Variants in AK9 observed in about 807,000 individuals in gnomAD.
AK9 encodes the protein adenylate kinase 9, also known as adenylate kinase domain containing 1.
A neutral mutation model predicts 239.6 loss-of-function variants in AK9; 191 were observed. That is an observed-to-expected ratio of 0.80 (90% CI 0.71 to 0.90). The LOEUF is 0.90. AK9 is among the 40% of genes least tolerant of loss of function. The pLI is 0.00. For synonymous variants in AK9, 689 were observed against 721.0 expected (o/e 0.96, Z 0.71); for missense variants, 1,995 against 2,214.7 (o/e 0.90, Z 1.99).
intron 12 of AK9, among the ~76,000 whole-genome samples, chr6:109,620,871 A>G (rs1794726291): frequency 6.6e-6 from 1 of 151,498 alleles, no homozygotes. Flanking sequence ...ATATACAAAC[A>G]TATACATATA....
intron 8 of AK9, among the ~76,000 whole-genome samples, chr6:109,652,648 T>G (rs1265513719): frequency 6.6e-6 from 1 of 152,204 alleles, no homozygotes; most frequent in Non-Finnish European, 1.5e-5. Context: ...TTTCAAGCAT[T>G]TCTTTTTATG....
At chr6:109,601,395 G>A (rs1381295631) in intron 17 of AK9, among the ~76,000 whole-genome samples, 1 of 152,194 alleles carries the variant, frequency 6.6e-6, no homozygotes, top group Non-Finnish European at 1.5e-5. Flanking sequence ...TTTTGAGTGA[G>A]TTTCTTAGTC....
At chr6:109,689,411 T>C (rs553958549) in intron 1 of AK9, among the ~76,000 whole-genome samples, 89 of 152,348 alleles carry the variant, frequency 5.8e-4, no homozygotes, top group Middle Eastern at 3.4e-3. Context: ...GTGCGACTTT[T>C]TGCCTAAGGG....
chr6:109,592,287 C>T (rs1435768519), intron 17 of AK9, among the ~76,000 whole-genome samples: 1 of 152,008 alleles, frequency 6.6e-6, no homozygotes, highest in Non-Finnish European at 1.5e-5. Context: ...TATTTCATGG[C>T]AAAGTTATCT....
intron 22 of AK9, 65 bp from the exon 23 acceptor site, chr6:109,564,345 C>T: frequency 7.7e-7 from 1 of 1,306,308 alleles, no homozygotes; most frequent in Non-Finnish European, 1.0e-6. Context: ...AGCCATATTG[C>T]CAAAATAGCT....
At chr6:109,618,813 C>A (rs1794486554) in intron 13 of AK9, among the ~76,000 whole-genome samples, 1 of 151,698 alleles carries the variant, frequency 6.6e-6, no homozygotes, top group African/African-American at 2.4e-5. Flanking sequence ...AGGTGTAAAT[C>A]CTGATCAAAC....
chr6:109,579,520 ACAT>A (rs1444537713), intron 20 of AK9, 27 bp downstream of exon 20: 1 of 1,529,270 alleles, frequency 6.5e-7, no homozygotes, highest in East Asian at 2.5e-5. Flanking sequence ...ATACCATGAC[ACAT>A]CATCAGTCAT....
In AK9 at chr6:109,573,542, C is replaced by T; in HGVS notation, c.2244G>A (p.Leu748=). The T allele has an allele frequency of 6.4e-7, 1 of 1,551,094 alleles. No homozygotes were observed. The highest frequency in any genetic ancestry group is 8.7e-7 in the Non-Finnish European group (1 of 1,146,626). Residue 748 remains leucine, a synonymous_variant, in exon 21 of 41, where the codon TTG becomes TTA. Coordinates refer to ENST00000424296, the MANE Select transcript of AK9 (RefSeq NM_001145128.3). ...EDEEEIEGDE[L]EVHEEPEASH... is the part of the protein sequence containing the mutation. ...ATGCCTCAGGCTCTTCGTGAACTTC[C>T]AACTCATCACCTTCAATCTCCTCTT...
At chr6:109,626,384 T>C (rs1583312136) in intron 12 of AK9, among the ~76,000 whole-genome samples, 2 of 152,332 alleles carry the variant, frequency 1.3e-5, no homozygotes, top group East Asian at 3.9e-4. Flanking sequence ...TTTCATTACA[T>C]GTTGGACATT....
At position 109,502,174 on chromosome 6, in the gene AK9, C is replaced by T. The variant is rs147358218; in HGVS notation, c.4850-2934G>A. Among the ~76,000 whole-genome samples, 139 of 152,126 alleles carry T rather than the reference C, an allele frequency of 9.1e-4. 2 individuals carry two copies. The highest frequency in any genetic ancestry group is 3.4e-3 in the African/African-American group (139 of 41,492). On this transcript the variant is annotated intron_variant, in intron 35 of 40. Transcript: ENST00000424296. The stretch of plus-strand genomic sequence containing the variant: ...GTGGGCTGGACTGAGTAACTTGCTT[C>T]GAATAAACAGAATATGGCAAAAGTG...
At chr6:109,591,631 C>T (rs563726684) in intron 17 of AK9, among the ~76,000 whole-genome samples, 3 of 152,132 alleles carry the variant, frequency 2.0e-5, no homozygotes, top group African/African-American at 7.2e-5. Flanking sequence ...AGGTCTTATA[C>T]TTGCAAAGAG....
chr6:109,602,807 T>G (rs996011513), intron 17 of AK9, among the ~76,000 whole-genome samples: 2 of 152,204 alleles, frequency 1.3e-5, no homozygotes, highest in Admixed American at 6.5e-5. Flanking sequence ...CTCTTCTCAC[T>G]TCATTTCATT....
At chr6:109,682,122 C>T (rs1006355549) in intron 1 of AK9, among the ~76,000 whole-genome samples, 1 of 151,980 alleles carries the variant, frequency 6.6e-6, no homozygotes. Context: ...ACACGACAAA[C>T]CCTTCAAAAA....
intron 15 of AK9, among the ~76,000 whole-genome samples, chr6:109,612,734 T>C (rs1214727413): frequency 1.3e-5 from 2 of 151,952 alleles, no homozygotes; most frequent in Non-Finnish European, 2.9e-5. Context: ...AGGCTTTAAA[T>C]AAACAGCAGG....
intron 17 of AK9, among the ~76,000 whole-genome samples, chr6:109,602,272 G>T (rs551716384): frequency 5.3e-5 from 8 of 152,106 alleles, no homozygotes; most frequent in Non-Finnish European, 1.0e-4. Context: ...AGGCCTGGTG[G>T]TGACAAAATC....
At chr6:109,672,812 T>C (rs1189475922) in intron 3 of AK9, among the ~76,000 whole-genome samples, 1 of 152,234 alleles carries the variant, frequency 6.6e-6, no homozygotes, top group Non-Finnish European at 1.5e-5. Context: ...TCAGGTGGTG[T>C]ATATGACAGT....
At chr6:109,656,530 T>C (rs1349029421) in intron 8 of AK9, among the ~76,000 whole-genome samples, 1 of 152,194 alleles carries the variant, frequency 6.6e-6, no homozygotes, top group African/African-American at 2.4e-5. Flanking sequence ...AAAAATGCAG[T>C]TCATTTGTCA....
intron 38 of AK9, 41 bp from the exon 39 acceptor site, chr6:109,495,481 A>T (rs755273363): frequency 6.9e-7 from 1 of 1,452,814 alleles, no homozygotes; most frequent in Non-Finnish European, 9.6e-7. Flanking sequence ...TCACAGTTAT[A>T]CTCAGTGTGT....
chr6:109,623,298 A>G (rs1338528855), intron 12 of AK9, among the ~76,000 whole-genome samples: 1 of 152,200 alleles, frequency 6.6e-6, no homozygotes, highest in African/African-American at 2.4e-5. Context: ...AGAACTTAGT[A>G]GTGACTTGCT....
Sources: allele counts gnomAD v4.1 joint callset (sites outside exome capture counted in the v4.1 genomes callset), GRCh38; gene constraint gnomAD v4.1.1; transcripts MANE v1.5; gene names NCBI Gene and HGNC (gene_info 2026-07-23, HGNC 2026-07-21).